Variants in TMEM38B observed in about 807,000 individuals in gnomAD.
The protein encoded by TMEM38B is transmembrane protein 38B, also known as trimeric intracellular cation channel type B.
TMEM38B carries 24 observed loss-of-function variants against 28.7 expected under a neutral mutation model. That is an observed-to-expected ratio of 0.84 (90% CI 0.61 to 1.18). TMEM38B has a LOEUF of 1.18. Ranked by LOEUF, TMEM38B falls within the 50% of genes most tolerant of loss-of-function variation. The pLI is 0.00. For missense variants in TMEM38B, 380 were observed against 350.9 expected, an observed-to-expected ratio of 1.08 and a Z score of -0.66; for synonymous variants, 131 against 127.7, an observed-to-expected ratio of 1.03 and a Z score of -0.17.
At chr9:105,745,040 A>G (rs1303977526) in intron 4 of TMEM38B, among the ~76,000 whole-genome samples, 3 of 152,220 alleles carry the variant, frequency 2.0e-5, no homozygotes, top group Non-Finnish European at 1.5e-5. Context: ...TAATGCCGCA[A>G]TAAACATATG....
chr9:105,732,548 C>T (rs1836791163), intron 4 of TMEM38B, among the ~76,000 whole-genome samples: 1 of 152,158 alleles, frequency 6.6e-6, no homozygotes, highest in Non-Finnish European at 1.5e-5. Flanking sequence ...TTTCCCAGCA[C>T]CATTTATTAA....
chr9:105,720,400 G>A (rs1357975293), intron 2 of TMEM38B, among the ~76,000 whole-genome samples: 1 of 151,976 alleles, frequency 6.6e-6, no homozygotes, highest in Non-Finnish European at 1.5e-5. Context: ...GAACCAATTG[G>A]TTTAGTTTTA....
intron 2 of TMEM38B, among the ~76,000 whole-genome samples, chr9:105,713,391 C>T (rs992682569): frequency 6.6e-6 from 1 of 152,212 alleles, no homozygotes; most frequent in African/African-American, 2.4e-5. Context: ...GCTGCCTGGC[C>T]TCTCCCCAAT....
At chr9:105,706,838 T>G (rs992605532) in intron 2 of TMEM38B, among the ~76,000 whole-genome samples, 7 of 151,996 alleles carry the variant, frequency 4.6e-5, no homozygotes, top group Non-Finnish European at 1.0e-4. Flanking sequence ...TTTTTAACCC[T>G]TATTACAGGC....
rs1835205289 is a variant in TMEM38B, at chr9:105,694,594, T to C, written c.-67T>C. On this transcript the variant is annotated 5_prime_UTR_variant, in exon 1 of 6. Coordinates refer to ENST00000374692, the MANE Select transcript of TMEM38B (RefSeq NM_018112.3). ...CGGCCGCGGCTGTGCCCTCTCCTAC[T>C]CCTCACCGCGCGAGCGCGGGGAACC... 1 of 1,368,186 alleles carries C rather than the reference T, an allele frequency of 7.3e-7. No homozygotes were observed. The highest frequency in any genetic ancestry group is 1.0e-6 in the Non-Finnish European group (1 of 961,818). The allele number at this position is 1,368,186 out of a possible 1,614,324, so 84.8% of individuals were successfully genotyped here.
At chr9:105,740,673 G>T (rs1453696941) in intron 4 of TMEM38B, among the ~76,000 whole-genome samples, 1 of 152,084 alleles carries the variant, frequency 6.6e-6, no homozygotes, top group East Asian at 1.9e-4. Flanking sequence ...TGCCAAAAAC[G>T]AAGTCAAGTT....
intron 5 of TMEM38B, chr9:105,760,459 C>G (rs1176866569): frequency 1.4e-6 from 1 of 738,372 alleles, no homozygotes; most frequent in African/African-American, 1.8e-5. Context: ...ACTATTTGTT[C>G]CTTTGCCAAC....
At chr9:105,729,656 A>C (rs530418737) in intron 4 of TMEM38B, among the ~76,000 whole-genome samples, 2 of 152,106 alleles carry the variant, frequency 1.3e-5, no homozygotes, top group African/African-American at 2.4e-5. Flanking sequence ...CATTGACTCT[A>C]TAAATTACCT....
intron 2 of TMEM38B, among the ~76,000 whole-genome samples, chr9:105,711,445 A>AAAAAG (rs1283152107): frequency 6.6e-6 from 1 of 152,024 alleles, no homozygotes; most frequent in Non-Finnish European, 1.5e-5. Context: ...TGTCTCAAAA[A>AAAAAG]AAAAGAAAAG....
chr9:105,713,372 C>T (rs1408997579), intron 2 of TMEM38B, among the ~76,000 whole-genome samples: 16 of 152,316 alleles, frequency 1.1e-4, no homozygotes, highest in East Asian at 7.8e-4. Context: ...CTTGGAGGTG[C>T]CTGCTCCCGC....
chr9:105,766,748 TTTA>T (rs1352094000), intron 5 of TMEM38B, among the ~76,000 whole-genome samples: 2 of 152,128 alleles, frequency 1.3e-5, no homozygotes, highest in African/African-American at 2.4e-5. Flanking sequence ...TCTGTTTTTT[TTTA>T]TTATTATACT....
At chr9:105,717,943 A>C (rs918728097) in intron 2 of TMEM38B, among the ~76,000 whole-genome samples, 3 of 152,158 alleles carry the variant, frequency 2.0e-5, no homozygotes, top group Non-Finnish European at 4.4e-5. Context: ...CGTAGGTATT[A>C]TTTTATTCAA....
intron 5 of TMEM38B, among the ~76,000 whole-genome samples, chr9:105,766,252 G>T (rs1201348149): frequency 6.6e-6 from 1 of 152,138 alleles, no homozygotes; most frequent in Non-Finnish European, 1.5e-5. Context: ...AGTTCTGATT[G>T]TCCTAGATCC....
At chr9:105,704,707 C>G (rs1053309373) in intron 1 of TMEM38B, among the ~76,000 whole-genome samples, 1 of 151,860 alleles carries the variant, frequency 6.6e-6, no homozygotes, top group Non-Finnish European at 1.5e-5. Context: ...GGGTGGATCA[C>G]GAGATCAGGA....
At chr9:105,768,175 AT>A (rs1827876678) in intron 5 of TMEM38B, among the ~76,000 whole-genome samples, 2 of 152,140 alleles carry the variant, frequency 1.3e-5, no homozygotes, top group African/African-American at 4.8e-5. Context: ...CTTCTGTATC[AT>A]TTAAAATAAT....
intron 1 of TMEM38B, among the ~76,000 whole-genome samples, chr9:105,696,146 G>A (rs1835281008): frequency 6.6e-6 from 1 of 152,162 alleles, no homozygotes; most frequent in Non-Finnish European, 1.5e-5. Context: ...TTGTGATACT[G>A]TAACAGAAGG....
At position 105,706,727 on chromosome 9, in the gene TMEM38B, G is replaced by A. The variant is rs116393355; in HGVS notation, c.269+974G>A. 7.4e-3 allele frequency among the ~76,000 whole-genome samples: 1,129 copies of A among 152,044 alleles called. 7 individuals carry two copies. Among genetic ancestry groups the A allele is most frequent in the African/African-American group, 0.025 (1,051 of 41,446 alleles). ...TCCTTAACCTTGCTCTGGAGGGGGCGGGGGTGTCTGGAGCCCATTCCTCTG... is the reference window on the plus strand; with the variant it reads ...TCCTTAACCTTGCTCTGGAGGGGGCAGGGGTGTCTGGAGCCCATTCCTCTG... On this transcript the variant is annotated intron_variant, in intron 2 of 5. Transcript: ENST00000374692.
At chr9:105,744,328 A>G (rs1837309316) in intron 4 of TMEM38B, among the ~76,000 whole-genome samples, 1 of 152,040 alleles carries the variant, frequency 6.6e-6, no homozygotes, top group Admixed American at 6.6e-5. Flanking sequence ...TTTCAGTTGA[A>G]TATGAGGAGT....
chr9:105,733,425 T>TTA (rs199744426), intron 4 of TMEM38B, among the ~76,000 whole-genome samples: 1 of 150,418 alleles, frequency 6.6e-6, no homozygotes, highest in African/African-American at 2.5e-5. Context: ...TTTTTTCTTT[T>TTA]TTTTTTTTTT....
Sources: gnomAD v4.1 joint callset for allele counts (sites outside exome capture counted in the v4.1 genomes callset) on GRCh38, gnomAD v4.1.1 for gene constraint, MANE v1.5 for transcripts, NCBI Gene and HGNC (gene_info 2026-07-23, HGNC 2026-07-21) for gene names.